SIGLEC11: variants seen among roughly 807,000 people sequenced by gnomAD.
SIGLEC11 encodes sialic acid binding Ig like lectin 11.
A neutral mutation model predicts 61.2 loss-of-function variants in SIGLEC11; 47 were observed. That is an observed-to-expected ratio of 0.77 (90% CI 0.61 to 0.98). SIGLEC11 has a LOEUF of 0.98. Among genes scored for constraint, SIGLEC11 ranks in the 50% least tolerant of loss-of-function variants. SIGLEC11 has a pLI of 0.00. For missense variants in SIGLEC11, 610 were observed against 870.3 expected (o/e 0.70, Z 3.76); for synonymous variants, 278 against 373.1 (o/e 0.75, Z 2.94).
intron 8 of SIGLEC11, among the ~76,000 whole-genome samples, chr19:49,956,022 A>G (rs1568746770): frequency 6.6e-6 from 1 of 152,076 alleles, no homozygotes; most frequent in Non-Finnish European, 1.5e-5. Flanking sequence ...CTCCTTTAGC[A>G]GAAAACCTGT....
At chr19:49,953,749 CCCGTAATAGGA>C (rs1477337761) in intron 8 of SIGLEC11, among the ~76,000 whole-genome samples, 1 of 152,012 alleles carries the variant, frequency 6.6e-6, no homozygotes, top group African/African-American at 2.4e-5. Flanking sequence ...TCTGAAAACT[CCCGTAATAGGA>C]GATGGTATAG....
At chr19:49,954,296 C>A (rs566847273) in intron 8 of SIGLEC11, among the ~76,000 whole-genome samples, 2 of 152,206 alleles carry the variant, frequency 1.3e-5, no homozygotes, top group African/African-American at 4.8e-5. Context: ...AGCCTACCCC[C>A]CTTTACTGAG....
Position 49,950,111 on chromosome 19 carries a change from C to G in SIGLEC11, c.1956G>C (p.Leu652=). 1 of 1,613,168 alleles carries G rather than the reference C, an allele frequency of 6.2e-7. No homozygotes were observed. Among genetic ancestry groups the G allele is most frequent in the Non-Finnish European group, 8.5e-7 (1 of 1,179,518 alleles). ...CCTGGTCCGCAGGCTCCCAGAGCCT[C>G]AGGCCCTGGAAGCTGAGGGAGGCAT... ...LHYASLSFQG[L]RLWEPADQEA... Residue 652 remains leucine (L), a synonymous_variant, in exon 11 of 11, where the codon CTG becomes CTC. Coordinates refer to ENST00000447370, the MANE Select transcript of SIGLEC11 (RefSeq NM_052884.3).
rs552796127 is a variant in SIGLEC11 at position 49,949,876 on chromosome 19, T to A, written c.*94A>T. 2.3e-5 allele frequency: 29 copies of A among 1,254,438 alleles called. 1 individual carries two copies. The South Asian group carries it at 7.9e-4, about 34-fold the overall frequency. 77.7% of individuals were successfully genotyped at this position (1,254,438 alleles called of 1,614,324 possible). A position where few individuals can be genotyped will look rare whatever the true frequency, so the allele number is the denominator to read the frequency against. On this transcript the variant is annotated 3_prime_UTR_variant, in exon 11 of 11. Coordinates refer to ENST00000447370, the MANE Select transcript of SIGLEC11 (RefSeq NM_052884.3). Reference sequence around the variant, plus strand: ...ATAATCTTCAAACTCAAGCTCTTCATTGGGGATGGGGCTGAAATCTGAGTC... The same window carrying A: ...ATAATCTTCAAACTCAAGCTCTTCAATGGGGATGGGGCTGAAATCTGAGTC...
Position 49,951,478 on chromosome 19 carries a change from A to G in SIGLEC11, c.1830+413T>C, listed in dbSNP as rs1451984360. Among the ~76,000 whole-genome samples the G allele has an allele frequency of 6.6e-6, 1 of 152,140 alleles. No homozygotes were observed. The highest frequency in any genetic ancestry group is 1.5e-5 in the Non-Finnish European group (1 of 68,016). On this transcript the variant is annotated intron_variant, in intron 10 of 10. Transcript: ENST00000447370. This position sits in a 1 kb window ranked among gnomAD's most constrained non-coding sequence, Gnocchi z 4.6. ...ACCTCAGAGTGGTCGTGGGGACCCCACAACTGTGGTTGGTGTCAGAAGTGA... is the reference window on the plus strand; with the variant it reads ...ACCTCAGAGTGGTCGTGGGGACCCCGCAACTGTGGTTGGTGTCAGAAGTGA...
Position 49,949,965 on chromosome 19 carries a change from C to T in SIGLEC11, c.*5G>A. 6.9e-7 allele frequency: 1 copy of T among 1,446,174 alleles called. No homozygotes were observed. Among genetic ancestry groups the T allele is most frequent in the South Asian group, 1.6e-5 (1 of 64,226 alleles). The allele number at this position is 1,446,174 out of a possible 1,614,324, so 89.6% of individuals were successfully genotyped here. ...TGCTGGTGTCCTGTTGCCATGGAGACCTCTTCACTTTGGAACCATCCCTGA... is the reference window on the plus strand; with the variant it reads ...TGCTGGTGTCCTGTTGCCATGGAGATCTCTTCACTTTGGAACCATCCCTGA... On this transcript the variant is annotated 3_prime_UTR_variant, in exon 11 of 11. Coordinates refer to ENST00000447370, the MANE Select transcript of SIGLEC11 (RefSeq NM_052884.3).
intron 10 of SIGLEC11, 78 bp from the exon 11 acceptor site, chr19:49,950,314 T>C: frequency 7.4e-7 from 1 of 1,346,354 alleles, no homozygotes; most frequent in Non-Finnish European, 9.7e-7. Flanking sequence ...CAAGAGGATC[T>C]GGAAATTGAG....
rs1282558801 is a variant in SIGLEC11 at position 49,958,373 on chromosome 19, G to T, written c.1561C>A (p.His521Asn). 2.5e-6 allele frequency: 4 copies of T among 1,614,068 alleles called. No homozygotes were observed. Among genetic ancestry groups the T allele is most frequent in the Non-Finnish European group, 3.4e-6 (4 of 1,180,032 alleles). ...GPWANSSLSL[H>N]GGLSSGLRLR... ...CTGAGGCCGGAGCTGAGCCCTCCAT[G>T]GAGGCTCAGGGAGCTGTTGGCCCAG... Residue 521 changes from histidine (H) to asparagine (N), a missense_variant, in exon 8 of 11, where the codon CAT (histidine) becomes AAT (asparagine). Coordinates refer to ENST00000447370, the MANE Select transcript of SIGLEC11 (RefSeq NM_052884.3).
intron 8 of SIGLEC11, among the ~76,000 whole-genome samples, chr19:49,954,157 G>A (rs1224042486): frequency 6.6e-6 from 1 of 152,048 alleles, no homozygotes; most frequent in Admixed American, 6.6e-5. Flanking sequence ...TGTAGCCCGA[G>A]CCAAAAATAA....
intron 8 of SIGLEC11, among the ~76,000 whole-genome samples, chr19:49,954,780 C>T (rs1354705976): frequency 6.6e-6 from 1 of 152,110 alleles, no homozygotes; most frequent in East Asian, 1.9e-4. Context: ...AAACCCCATG[C>T]ACCAGCAGAT....
At chr19:49,950,735 AAGT>A (rs1568743008) in intron 10 of SIGLEC11, among the ~76,000 whole-genome samples, 1 of 152,200 alleles carries the variant, frequency 6.6e-6, no homozygotes, top group Non-Finnish European at 1.5e-5. Context: ...ATGGAAGAAG[AAGT>A]AGACACATTA....
intron 8 of SIGLEC11, among the ~76,000 whole-genome samples, 174 bp downstream of exon 8, chr19:49,958,109 A>G (rs574290400): frequency 6.6e-6 from 1 of 152,336 alleles, no homozygotes; most frequent in South Asian, 2.1e-4. Flanking sequence ...CCTGTTCTCC[A>G]TATTGCTCTC....
chr19:49,952,930 C>T (rs1478945983), intron 8 of SIGLEC11, among the ~76,000 whole-genome samples: 1 of 152,210 alleles, frequency 6.6e-6, no homozygotes, highest in Non-Finnish European at 1.5e-5. Flanking sequence ...AAACCTCGCT[C>T]TGTCTTTGTT....
chr19:49,950,678 C>CG (rs1409009753), intron 10 of SIGLEC11, among the ~76,000 whole-genome samples: 2 of 152,160 alleles, frequency 1.3e-5, no homozygotes, highest in African/African-American at 4.8e-5. Context: ...TGGATATTCC[C>CG]GGGGGAACTA....
In SIGLEC11 at chr19:49,960,547, C is replaced by T. The variant is rs1385802629; in HGVS notation, c.460+5G>A. ...ACAGGCAGGGGTTCCCACCCCATTC[C>T]ATACCTGTTACTTTTAGAAAGAACG... is the stretch of plus-strand genomic sequence containing the variant. On this transcript the variant is annotated splice_donor_5th_base_variant and intron_variant, in intron 2 of 10. Coordinates refer to ENST00000447370, the MANE Select transcript of SIGLEC11 (RefSeq NM_052884.3). 2 of 1,597,990 alleles carry T rather than the reference C, an allele frequency of 1.3e-6. No homozygotes were observed. Among genetic ancestry groups the T allele is most frequent in the Admixed American group, 3.4e-5 (2 of 59,644 alleles).
chr19:49,958,712 C>T lies in SIGLEC11; in HGVS notation c.1294G>A (p.Gly432Arg). Reference sequence around the variant, plus strand: ...TGCTGAGCGTGGCAGGTGAACTCTCCTTCGTGCTCCATTTGAATGGGTGGC... The same window carrying T: ...TGCTGAGCGTGGCAGGTGAACTCTCTTTCGTGCTCCATTTGAATGGGTGGC... ...ELPPIQMEHEGEFTCHAQHPL... is the reference protein window; with the variant it reads ...ELPPIQMEHEREFTCHAQHPL... The change falls in exon 7 of 11, where the codon GGA becomes AGA. Residue 432 changes from glycine to arginine, a missense_variant. This residue lies in a region of SIGLEC11 where 432 missense variants were observed against 441.5 expected (regional missense o/e 0.98). Transcript: ENST00000447370. The T allele has an allele frequency of 1.9e-6, 3 of 1,613,492 alleles. No individual in the cohort carries two copies. The highest frequency in any genetic ancestry group is 1.1e-5 in the South Asian group (1 of 91,004).
In SIGLEC11 at chr19:49,950,158, C is replaced by T. The variant is rs747041014; in HGVS notation, c.1909G>A (p.Gly637Arg). Reference protein sequence around the residue: ...PGAATYTPGKGEEQELHYASL... With the variant: ...PGAATYTPGKREEQELHYASL... ...GCATAGTGGAGCTCCTGCTCTTCCC[C>T]CTTCCCCGGGGTGTAGGTGGCTGCA... is the stretch of plus-strand genomic sequence containing the variant. Residue 637 changes from glycine (G) to arginine (R), a missense_variant, in exon 11 of 11, where the codon GGG (glycine) becomes AGG (arginine). By Grantham distance (125) the Gly-to-Arg change is moderately radical (BLOSUM62 -2). Coordinates refer to ENST00000447370, the MANE Select transcript of SIGLEC11 (RefSeq NM_052884.3). 1.2e-6 allele frequency: 2 copies of T among 1,611,294 alleles called. No homozygotes were observed. The highest frequency in any genetic ancestry group is 1.1e-5 in the South Asian group (1 of 90,944).
intron 10 of SIGLEC11, 133 bp from the exon 11 acceptor site, chr19:49,950,369 C>T: frequency 1.1e-6 from 1 of 923,540 alleles, no homozygotes; most frequent in Non-Finnish European, 1.5e-6. Context: ...CAGCTGGGCC[C>T]TCATTCATTC....
At position 49,949,802 on chromosome 19, in the gene SIGLEC11, A is replaced by G. The variant is rs149305604; in HGVS notation, c.*168T>C. On this transcript the variant is annotated 3_prime_UTR_variant, in exon 11 of 11. Coordinates refer to ENST00000447370, the MANE Select transcript of SIGLEC11 (RefSeq NM_052884.3). ...GGCTACAGTGAGCTGAGATTGCACC[A>G]CTGGACTCTGGCCTGGAGGACAGAG... 2.0e-4 allele frequency: 123 copies of G among 619,324 alleles called. 1 individual carries two copies. The African/African-American group carries it at 2.0e-3, about 10-fold the overall frequency. The allele number at this position is 619,324 out of a possible 1,614,324, so 38.4% of individuals were successfully genotyped here.
Sources: allele counts gnomAD v4.1 joint callset (sites outside exome capture counted in the v4.1 genomes callset), GRCh38; gene constraint gnomAD v4.1.1; regional missense constraint gnomAD v4.1.1; non-coding constraint Gnocchi (gnomAD v3.1); transcripts MANE v1.5; gene names NCBI Gene and HGNC (gene_info 2026-07-23, HGNC 2026-07-21).